The following NKAIN2 variants were observed in gnomAD, a reference collection of about 807,000 sequenced individuals.
NKAIN2 encodes the protein sodium/potassium-transporting ATPase subunit beta-1-interacting protein 2.
In NKAIN2, 14 loss-of-function variants were observed where a neutral mutation model predicts 32.6. That is an observed-to-expected ratio of 0.43 (90% CI 0.28 to 0.67). The LOEUF (loss-of-function observed/expected upper bound fraction) is 0.67, where lower values mean the gene tolerates loss of function less well. NKAIN2 is among the 30% of genes least tolerant of loss of function. NKAIN2 has a pLI of 0.17. For synonymous variants in NKAIN2, 80 were observed against 87.2 expected (o/e 0.92, Z 0.46); for missense variants, 198 against 258.3 (o/e 0.77, Z 1.60).
chr6:124,753,518 A>T (rs988848469), intron 4 of NKAIN2, among the ~76,000 whole-genome samples: 14 of 152,150 alleles, frequency 9.2e-5, no homozygotes, highest in Admixed American at 8.5e-4. Context: ...ATGGCTTATT[A>T]TATAATCAGG....
intron 1 of NKAIN2, among the ~76,000 whole-genome samples, chr6:123,933,325 C>A (rs1017506108): frequency 1.3e-5 from 2 of 152,018 alleles, no homozygotes; most frequent in African/African-American, 4.8e-5. Context: ...TTGCAGTGAC[C>A]ATTCTAAATG....
chr6:124,275,322 CT>C (rs1794980622), intron 1 of NKAIN2, among the ~76,000 whole-genome samples: 1 of 141,502 alleles, frequency 7.1e-6, no homozygotes, highest in African/African-American at 2.9e-5. Flanking sequence ...AAAAATGTGA[CT>C]CTGTGTTTCA....
At chr6:124,201,954 T>G in intron 1 of NKAIN2, among the ~76,000 whole-genome samples, 1 of 152,030 alleles carries the variant, frequency 6.6e-6, no homozygotes, top group Admixed American at 6.6e-5. Context: ...ACGTTTGAGC[T>G]TTCAAAAGCA....
At chr6:124,293,811 G>A (rs541509624) in intron 2 of NKAIN2, among the ~76,000 whole-genome samples, 22 of 152,008 alleles carry the variant, frequency 1.4e-4, no homozygotes, top group Non-Finnish European at 2.9e-4. Context: ...AGAGAAAAGT[G>A]ACGACAGATA....
At chr6:124,146,221 TAAAC>T (rs551793704) in intron 1 of NKAIN2, among the ~76,000 whole-genome samples, 25 of 151,914 alleles carry the variant, frequency 1.6e-4, no homozygotes, top group Non-Finnish European at 2.6e-4. Context: ...AGATTTACAT[TAAAC>T]AAATAATTAG....
intron 3 of NKAIN2, among the ~76,000 whole-genome samples, chr6:124,631,915 A>G (rs1468691633): frequency 6.6e-6 from 1 of 152,204 alleles, no homozygotes; most frequent in Non-Finnish European, 1.5e-5. Flanking sequence ...GTCTGATCAG[A>G]CAACTGTAAA....
intron 1 of NKAIN2, among the ~76,000 whole-genome samples, chr6:124,143,171 A>C (rs1052702155): frequency 4.6e-5 from 7 of 152,200 alleles, no homozygotes; most frequent in African/African-American, 1.7e-4. Flanking sequence ...AGTTAAAAAA[A>C]TGTATCACTG....
At chr6:124,272,795 G>A (rs901447283) in intron 1 of NKAIN2, among the ~76,000 whole-genome samples, 1 of 152,162 alleles carries the variant, frequency 6.6e-6, no homozygotes, top group African/African-American at 2.4e-5. Context: ...GCTTCCCAAG[G>A]CCTTGGGAGC....
intron 1 of NKAIN2, among the ~76,000 whole-genome samples, chr6:124,065,218 A>ACG (rs1783109975): frequency 6.6e-6 from 1 of 151,600 alleles, no homozygotes; most frequent in Admixed American, 6.6e-5. Flanking sequence ...AAAATTACAC[A>ACG]CACACACACA....
chr6:123,847,815 T>TA (rs1303803785), intron 1 of NKAIN2, among the ~76,000 whole-genome samples: 1 of 152,130 alleles, frequency 6.6e-6, no homozygotes, highest in Non-Finnish European at 1.5e-5. Context: ...TATAATTACC[T>TA]AAAAAATCTT....
In NKAIN2 at chr6:123,966,363, G is replaced by A. The variant is rs536971332; in HGVS notation, c.54+162109G>A. Reference sequence around the variant, plus strand: ...TAATTCTAATCATGTCCTTCCCCCAGTATTTTGAGGAAGGAGTCTAGGCAG... The same window carrying A: ...TAATTCTAATCATGTCCTTCCCCCAATATTTTGAGGAAGGAGTCTAGGCAG... On this transcript the variant is annotated intron_variant, in intron 1 of 6. Coordinates refer to ENST00000368417, the MANE Select transcript of NKAIN2 (RefSeq NM_001040214.3). Among the ~76,000 whole-genome samples the A allele has an allele frequency of 3.3e-5, 5 of 152,196 alleles. No individual in the cohort carries two copies. The East Asian group carries it at 5.8e-4, about 18-fold the overall frequency.
intron 4 of NKAIN2, among the ~76,000 whole-genome samples, chr6:124,698,350 C>T (rs576584829): frequency 6.7e-6 from 1 of 149,502 alleles, no homozygotes; most frequent in South Asian, 2.1e-4. Flanking sequence ...AAAGTGTTAG[C>T]ATAAAAAAAT....
intron 4 of NKAIN2, among the ~76,000 whole-genome samples, chr6:124,749,814 C>T (rs796571752): frequency 1.5e-4 from 23 of 152,070 alleles, no homozygotes; most frequent in African/African-American, 5.3e-4. Context: ...TCTGATTCTT[C>T]ATAATTTGAT....
At chr6:124,497,496 G>C (rs1778106790) in intron 3 of NKAIN2, among the ~76,000 whole-genome samples, 1 of 152,052 alleles carries the variant, frequency 6.6e-6, no homozygotes, top group Non-Finnish European at 1.5e-5. Context: ...ATAATATGTG[G>C]TCTTGGTTGT....
At chr6:124,158,069 A>G (rs1182606770) in intron 1 of NKAIN2, among the ~76,000 whole-genome samples, 1 of 152,208 alleles carries the variant, frequency 6.6e-6, no homozygotes, top group Non-Finnish European at 1.5e-5. Context: ...GTTTGTTAGG[A>G]CTGCCATAAT....
intron 3 of NKAIN2, among the ~76,000 whole-genome samples, chr6:124,431,193 G>A (rs1211227015): frequency 6.6e-6 from 1 of 152,128 alleles, no homozygotes; most frequent in Non-Finnish European, 1.5e-5. Context: ...ACTGCCAACT[G>A]TTTTGCATCC....
At chr6:124,565,142 C>A (rs1484960496) in intron 3 of NKAIN2, among the ~76,000 whole-genome samples, 1 of 152,056 alleles carries the variant, frequency 6.6e-6, no homozygotes, top group Non-Finnish European at 1.5e-5. Context: ...TCTCACAGGG[C>A]AATAGAGGTA....
chr6:124,326,991 A>G (rs1797443138), intron 2 of NKAIN2, among the ~76,000 whole-genome samples: 1 of 151,932 alleles, frequency 6.6e-6, no homozygotes, highest in Non-Finnish European at 1.5e-5. Flanking sequence ...GATCAATGTG[A>G]GATTCTTGCC....
chr6:124,539,478 T>G (rs189804912), intron 3 of NKAIN2, among the ~76,000 whole-genome samples: 1 of 152,312 alleles, frequency 6.6e-6, no homozygotes, highest in East Asian at 1.9e-4. Context: ...TTAATCAAAT[T>G]AATCCTCAGG....
Sources: allele counts gnomAD v4.1 joint callset (sites outside exome capture counted in the v4.1 genomes callset), GRCh38; gene constraint gnomAD v4.1.1; transcripts MANE v1.5; gene names NCBI Gene and HGNC (gene_info 2026-07-23, HGNC 2026-07-21).